CPVL: variants seen among roughly 807,000 people sequenced by gnomAD.
CPVL encodes the protein carboxypeptidase vitellogenic like.
In CPVL, 51 loss-of-function variants were observed where a neutral mutation model predicts 63.7. The ratio of observed to expected loss-of-function variants is 0.80; its 90% CI spans 0.64 to 1.01. CPVL has a LOEUF of 1.01. Ranked by LOEUF, CPVL falls within the 50% of genes least tolerant of loss-of-function variation. The pLI, the probability that CPVL is intolerant of heterozygous loss-of-function variation, is 0.00. For synonymous variants in CPVL, 195 were observed against 206.0 expected (o/e 0.95, Z 0.46); for missense variants, 530 against 573.1 (o/e 0.92, Z 0.77).
chr7:29,049,379 A>G (rs1789932562), intron 11 of CPVL, among the ~76,000 whole-genome samples: 1 of 152,204 alleles, frequency 6.6e-6, no homozygotes, highest in South Asian at 2.1e-4. Context: ...CAAGGCTACT[A>G]TGAACACCTT....
At chr7:29,063,999 A>C in intron 11 of CPVL, 62 bp downstream of exon 11, 1 of 1,209,212 alleles carries the variant, frequency 8.3e-7, no homozygotes, top group South Asian at 1.4e-5. Context: ...TCAAATTACA[A>C]ATCACTTCTG....
chr7:29,120,819 A>G (rs1183639860), intron 2 of CPVL, 74 bp downstream of exon 2: 9 of 131,132 alleles, frequency 6.9e-5, no homozygotes, highest in African/African-American at 1.8e-4. Context: ...ACTTCGTCTC[A>G]AAAAAAAAAA....
At chr7:29,034,263 C>A (rs1002911766) in intron 11 of CPVL, among the ~76,000 whole-genome samples, 6 of 152,076 alleles carry the variant, frequency 3.9e-5, no homozygotes, top group African/African-American at 1.4e-4. Flanking sequence ...TGCCACTACA[C>A]CCAGCTAATT....
chr7:29,096,096 T>C lies in CPVL; in HGVS notation c.403+7A>G, dbSNP rs770844355. The C allele has an allele frequency of 1.2e-6, 2 of 1,602,056 alleles. No homozygotes were observed. Among genetic ancestry groups the C allele is most frequent in the South Asian group, 1.1e-5 (1 of 90,856 alleles). ...TCTATAGGAAATACAGTGCAAGGGA[T>C]ACTTACAGGTCATGTTACTTGTGAC... On this transcript the variant is annotated splice_region_variant and intron_variant, in intron 4 of 12. Transcript: ENST00000265394.
intron 12 of CPVL, among the ~76,000 whole-genome samples, chr7:29,000,455 G>A (rs1562716099): frequency 6.6e-6 from 1 of 151,912 alleles, no homozygotes; most frequent in Non-Finnish European, 1.5e-5. Flanking sequence ...GGAAATGCAG[G>A]GGCATGAAAC....
chr7:29,008,211 T>G (rs1785403096), intron 12 of CPVL, among the ~76,000 whole-genome samples: 1 of 152,196 alleles, frequency 6.6e-6, no homozygotes, highest in African/African-American at 2.4e-5. Flanking sequence ...TTTCAACATT[T>G]TAATTGCAAA....
chr7:29,135,335 AT>A (rs34928416), intron 1 of CPVL, among the ~76,000 whole-genome samples: 16,840 of 146,000 alleles, frequency 0.12, 974 homozygotes, highest in Middle Eastern at 0.15. Flanking sequence ...ATTGTATTAG[AT>A]TTTTTTTTTT....
At chr7:29,011,795 A>G (rs1040719975) in intron 12 of CPVL, 3 of 152,240 alleles carry the variant, frequency 2.0e-5, no homozygotes, top group Non-Finnish European at 4.4e-5. Context: ...GAAAACTACT[A>G]TAATTTTAAT....
chr7:29,019,343 C>T (rs1257740159), intron 12 of CPVL, among the ~76,000 whole-genome samples: 1 of 152,160 alleles, frequency 6.6e-6, no homozygotes, highest in Non-Finnish European at 1.5e-5. Context: ...AAACTTATTA[C>T]CTTCTAGGTC....
At chr7:29,071,707 T>TCCG in intron 9 of CPVL, 66 bp downstream of exon 9, 8 of 867,444 alleles carry the variant, frequency 9.2e-6, no homozygotes, top group East Asian at 2.8e-5. Context: ...GTGTTCCTGC[T>TCCG]CACCCGCCCT....
exon 3 of CPVL, chr7:29,185,588 T>A (rs1158093078): frequency 6.6e-6 from 1 of 150,716 alleles, no homozygotes; most frequent in Non-Finnish European, 1.5e-5. Context: ...TAGCAGCATA[T>A]CAAAATCACC....
At chr7:29,084,155 C>T (rs1328806565) in intron 7 of CPVL, among the ~76,000 whole-genome samples, 1 of 152,152 alleles carries the variant, frequency 6.6e-6, no homozygotes, top group Non-Finnish European at 1.5e-5. Context: ...ACACTGGACC[C>T]TCAATGGTTT....
At chr7:29,182,675 G>A (rs931302056) in intron 4 of CPVL, among the ~76,000 whole-genome samples, 3 of 152,124 alleles carry the variant, frequency 2.0e-5, no homozygotes, top group African/African-American at 7.2e-5. Context: ...TAAACCCAAT[G>A]TCCCTCAAGA....
intron 9 of CPVL, among the ~76,000 whole-genome samples, chr7:29,070,477 G>A (rs991941210): frequency 6.6e-6 from 1 of 152,174 alleles, no homozygotes; most frequent in African/African-American, 2.4e-5. Context: ...AAATACTGAA[G>A]TTTCACTCCT....
chr7:29,146,526 C>G lies in CPVL; in HGVS notation c.-108G>C. The G allele has an allele frequency of 1.3e-6, 2 of 1,492,600 alleles. No individual in the cohort carries two copies. The highest frequency in any genetic ancestry group is 8.9e-7 in the Non-Finnish European group (1 of 1,122,992). The allele number at this position is 1,492,600 out of a possible 1,614,324, so 92.5% of individuals were successfully genotyped here. A position where few individuals can be genotyped will look rare whatever the true frequency, so the allele number is the denominator to read the frequency against. ...CAAATCAGGCAGAAGTGAGGCAGCC[C>G]CACCCAGTCACGAGGACCCTGCAGA... On this transcript the variant is annotated 5_prime_UTR_variant, in exon 1 of 13. Transcript: ENST00000265394.
intron 11 of CPVL, among the ~76,000 whole-genome samples, chr7:29,047,847 G>A (rs182980757): frequency 7.2e-5 from 11 of 152,310 alleles, no homozygotes; most frequent in Admixed American, 7.2e-4. Context: ...AGATTTCTCA[G>A]CAGAAACCAC....
chr7:29,043,860 C>G (rs1033423072), intron 11 of CPVL, among the ~76,000 whole-genome samples: 23 of 152,204 alleles, frequency 1.5e-4, no homozygotes, highest in Admixed American at 3.9e-4. Flanking sequence ...GACAACGTGG[C>G]TTTCTCTTTT....
chr7:29,137,581 C>T (rs377019673), intron 1 of CPVL, among the ~76,000 whole-genome samples: 8 of 152,310 alleles, frequency 5.3e-5, no homozygotes, highest in African/African-American at 1.9e-4. Context: ...CAACTGCCGG[C>T]ATTCACCTGT....
At chr7:28,999,925 C>G (rs1435842066) in intron 12 of CPVL, among the ~76,000 whole-genome samples, 1 of 152,152 alleles carries the variant, frequency 6.6e-6, no homozygotes, top group East Asian at 1.9e-4. Flanking sequence ...TCACCATTCA[C>G]AAATCAAAGA....
Sources: allele counts gnomAD v4.1 joint callset (sites outside exome capture counted in the v4.1 genomes callset), GRCh38; gene constraint gnomAD v4.1.1; transcripts MANE v1.5; gene names NCBI Gene and HGNC (gene_info 2026-07-23, HGNC 2026-07-21).